The following SMYD1 variants were observed in gnomAD, a reference collection of about 807,000 sequenced individuals.
The protein encoded by SMYD1 is histone-lysine N-methyltransferase SMYD1.
Under a neutral mutation model 54.0 loss-of-function variants are expected in SMYD1, and 49 were observed. The ratio of observed to expected loss-of-function variants is 0.91; its 90% CI spans 0.72 to 1.15. The LOEUF (loss-of-function observed/expected upper bound fraction) is 1.15, where lower values mean the gene tolerates loss of function less well. Among genes scored for constraint, SMYD1 ranks in the 50% most tolerant of loss-of-function variants. The pLI, the probability that SMYD1 is intolerant of heterozygous loss-of-function variation, is 0.00. For missense variants in SMYD1, 653 were observed against 639.6 expected (o/e 1.02, Z -0.23); for synonymous variants, 269 against 234.2 (o/e 1.15, Z -1.36).
chr2:88,088,662 T>C (rs892437054), intron 3 of SMYD1, among the ~76,000 whole-genome samples: 1 of 152,124 alleles, frequency 6.6e-6, no homozygotes, highest in East Asian at 1.9e-4. Flanking sequence ...CTTTTTACAT[T>C]TTTTTCCTCT....
chr2:88,104,734 A>G (rs1674817976), intron 7 of SMYD1, among the ~76,000 whole-genome samples: 1 of 152,258 alleles, frequency 6.6e-6, no homozygotes, highest in Non-Finnish European at 1.5e-5. Context: ...TTCAAATGGA[A>G]TTGTATGACA....
chr2:88,110,408 A>G lies in SMYD1; in HGVS notation c.1369A>G (p.Met457Val), dbSNP rs1318578807. The change falls in exon 10 of 10, where the codon ATG becomes GTG. Residue 457 changes from methionine (M) to valine (V), a missense_variant. Transcript: ENST00000419482. ...ACGCATGTTCCGCCAGAACGAATTC[A>G]TGTACTACAAGATGCGCGAGGCTGC... The part of the protein sequence containing the change: ...ELRMFRQNEF[M>V]YYKMREAALN... 6.2e-7 allele frequency: 1 copy of G among 1,612,570 alleles called. No individual in the cohort carries two copies. The highest frequency in any genetic ancestry group is 8.5e-7 in the Non-Finnish European group (1 of 1,179,464).
rs2104023238 is a variant in SMYD1, at chr2:88,112,194, A to G, written c.*1682A>G. On this transcript the variant is annotated 3_prime_UTR_variant, in exon 10 of 10. Transcript: ENST00000419482. ...TCCCAGGGATCTAACTGGCTAGTTCAAATTATCACTCTTTTACCTTCATAT... is the reference window on the plus strand; with the variant it reads ...TCCCAGGGATCTAACTGGCTAGTTCGAATTATCACTCTTTTACCTTCATAT... 2 of 702,688 alleles carry G rather than the reference A, an allele frequency of 2.8e-6. No individual in the cohort carries two copies. Among genetic ancestry groups the G allele is most frequent in the South Asian group, 3.0e-5 (2 of 67,552 alleles). 43.5% of individuals were successfully genotyped at this position (702,688 alleles called of 1,614,324 possible).
At chr2:88,068,433 A>C (rs1416823538) in intron 1 of SMYD1, among the ~76,000 whole-genome samples, 3 of 152,218 alleles carry the variant, frequency 2.0e-5, no homozygotes, top group Non-Finnish European at 4.4e-5. Flanking sequence ...TATAATTATG[A>C]ATAACCCAGG....
intron 8 of SMYD1, among the ~76,000 whole-genome samples, chr2:88,107,597 C>G (rs1240750652): frequency 1.3e-5 from 2 of 152,174 alleles, no homozygotes; most frequent in African/African-American, 2.4e-5. Context: ...CCTCCCAGTT[C>G]GAGCTTCCCA....
intron 1 of SMYD1, among the ~76,000 whole-genome samples, chr2:88,071,752 A>G (rs764287978): frequency 7.9e-5 from 12 of 152,084 alleles, no homozygotes; most frequent in Non-Finnish European, 1.6e-4. Context: ...TTTTGGACAC[A>G]GTATTTTATG....
At position 88,087,997 on chromosome 2, in the gene SMYD1, C is replaced by T. The variant is rs746376049; in HGVS notation, c.450C>T (p.Asp150=). 9.9e-6 allele frequency: 16 copies of T among 1,614,058 alleles called. No individual in the cohort carries two copies. Among genetic ancestry groups the T allele is most frequent in the East Asian group, 4.5e-5 (2 of 44,874 alleles). Reference sequence around the variant, plus strand: ...AGGAGCAGAAGGACCTGCGGGTGGACGTGGACACATTCTTGCAGTACTGGC... The same window carrying T: ...AGGAGCAGAAGGACCTGCGGGTGGATGTGGACACATTCTTGCAGTACTGGC... The part of the protein sequence containing the change: ...GEEEQKDLRV[D]VDTFLQYWPP... Residue 150 remains aspartate, a synonymous_variant, in exon 3 of 10, where the codon GAC becomes GAT. Coordinates refer to ENST00000419482, the MANE Select transcript of SMYD1 (RefSeq NM_198274.4).
chr2:88,089,588 T>TTG (rs1417765317), intron 3 of SMYD1, among the ~76,000 whole-genome samples: 1 of 140,198 alleles, frequency 7.1e-6, no homozygotes, highest in East Asian at 2.1e-4. Flanking sequence ...TCTACCTGTT[T>TTG]TTTTTTTTTT....
intron 3 of SMYD1, among the ~76,000 whole-genome samples, chr2:88,089,884 G>T (rs544427004): frequency 1.3e-5 from 2 of 151,938 alleles, no homozygotes; most frequent in African/African-American, 4.8e-5. Context: ...AAGCCACCAC[G>T]CCTGGCCTAA....
intron 1 of SMYD1, among the ~76,000 whole-genome samples, chr2:88,072,154 T>G (rs1041191554): frequency 6.6e-6 from 1 of 152,182 alleles, no homozygotes; most frequent in Non-Finnish European, 1.5e-5. Context: ...ATTATTGTTA[T>G]TATTTTTATT....
Position 88,103,150 on chromosome 2 carries a change from G to A in SMYD1, c.981G>A (p.Glu327=). 1.9e-6 allele frequency: 3 copies of A among 1,612,900 alleles called. No homozygotes were observed. The highest frequency in any genetic ancestry group is 2.5e-6 in the Non-Finnish European group (3 of 1,179,158). The change falls in exon 7 of 10, where the codon GAG becomes GAA. Residue 327 remains glutamate (E), a splice_region_variant and synonymous_variant. Transcript: ENST00000419482. ...DKARSEGLYH[E]VVKLCRECLE... is the part of the protein sequence containing the mutation. Reference sequence around the variant, plus strand: ...CTCGTTCCGAGGGTTTGTATCATGAGGTAAGAATTCACTTGTTATAGAGGA... The same window carrying A: ...CTCGTTCCGAGGGTTTGTATCATGAAGTAAGAATTCACTTGTTATAGAGGA...
At chr2:88,095,427 C>T (rs1482779697) in intron 5 of SMYD1, among the ~76,000 whole-genome samples, 5 of 152,198 alleles carry the variant, frequency 3.3e-5, no homozygotes, top group Non-Finnish European at 7.3e-5. Flanking sequence ...TGGATATGAA[C>T]GTCACTACCA....
At chr2:88,075,705 T>C (rs1357149278) in intron 1 of SMYD1, among the ~76,000 whole-genome samples, 1 of 152,014 alleles carries the variant, frequency 6.6e-6, no homozygotes, top group Non-Finnish European at 1.5e-5. Context: ...GGCTGGCTAC[T>C]TTTTATTTTT....
At chr2:88,104,850 G>A (rs1158730027) in intron 7 of SMYD1, among the ~76,000 whole-genome samples, 3 of 152,196 alleles carry the variant, frequency 2.0e-5, no homozygotes, top group African/African-American at 7.2e-5. Flanking sequence ...GTCTGTACAA[G>A]AGTCAGTCAG....
At position 88,110,643 on chromosome 2, in the gene SMYD1, T is replaced by C. The variant is rs1675001092; in HGVS notation, c.*131T>C. On this transcript the variant is annotated 3_prime_UTR_variant, in exon 10 of 10. Transcript: ENST00000419482. Reference sequence around the variant, plus strand: ...TAACATTGTTGCTGTGAGAATTTACTGCCCTATGTTTCCCAGAGCCATTTT... The same window carrying C: ...TAACATTGTTGCTGTGAGAATTTACCGCCCTATGTTTCCCAGAGCCATTTT... 8.2e-7 allele frequency: 1 copy of C among 1,214,406 alleles called. No individual in the cohort carries two copies. Among genetic ancestry groups the C allele is most frequent in the Non-Finnish European group, 1.1e-6 (1 of 902,402 alleles). 75.2% of individuals were successfully genotyped at this position (1,214,406 alleles called of 1,614,324 possible).
chr2:88,081,794 G>A (rs1451549353), intron 1 of SMYD1, among the ~76,000 whole-genome samples: 2 of 150,066 alleles, frequency 1.3e-5, no homozygotes, highest in Non-Finnish European at 3.0e-5. Flanking sequence ...GCATAATGTG[G>A]AGATCCGGCA....
intron 3 of SMYD1, among the ~76,000 whole-genome samples, chr2:88,089,985 G>A (rs1471070629): frequency 6.6e-6 from 1 of 152,138 alleles, no homozygotes; most frequent in Non-Finnish European, 1.5e-5. Context: ...TGGGGACTAG[G>A]GCTAGAGGTC....
chr2:88,104,485 C>T (rs929917216), intron 7 of SMYD1, among the ~76,000 whole-genome samples: 6 of 152,192 alleles, frequency 3.9e-5, no homozygotes, highest in Non-Finnish European at 8.8e-5. Flanking sequence ...CAGGAGGGCC[C>T]CACTGGCTCC....
rs568448221 is a variant in SMYD1, at chr2:88,097,317, A to G, written c.888+533A>G. On this transcript the variant is annotated intron_variant, in intron 6 of 9. Transcript: ENST00000419482. ...GGGTAGCTGTTGCCAGTTGATGGTG[A>G]GTCTGTTGAGCAGCAGAGGAAGGCT... Among the ~76,000 whole-genome samples the G allele has an allele frequency of 3.3e-5, 5 of 152,240 alleles. No homozygotes were observed. In the South Asian group the frequency reaches 1.0e-3, roughly 32 times the overall value.
Sources: gnomAD v4.1 joint callset for allele counts (sites outside exome capture counted in the v4.1 genomes callset) on GRCh38, gnomAD v4.1.1 for gene constraint, MANE v1.5 for transcripts, NCBI Gene and HGNC (gene_info 2026-07-23, HGNC 2026-07-21) for gene names.